Variants in GRHL3 observed in about 807,000 individuals in gnomAD.
The protein encoded by GRHL3 is grainyhead like transcription factor 3.
GRHL3 carries 20 observed loss-of-function variants against 70.3 expected under a neutral mutation model. The observed-to-expected ratio is 0.28, with a 90% CI of 0.20 to 0.41. The LOEUF (loss-of-function observed/expected upper bound fraction) is 0.41, where lower values mean the gene tolerates loss of function less well. Among genes scored for constraint, GRHL3 ranks in the 10% least tolerant of loss-of-function variants. GRHL3 has a pLI of 1.00. For missense variants in GRHL3, 637 were observed against 762.3 expected (o/e 0.84, Z 1.94); for synonymous variants, 299 against 299.9 (o/e 1.00, Z 0.03).
chr1:24,348,368 G>A (rs1211695144), intron 14 of GRHL3, among the ~76,000 whole-genome samples: 2 of 152,112 alleles, frequency 1.3e-5, no homozygotes. Flanking sequence ...ACTTGCCAGG[G>A]TTACTCAGCT....
At chr1:24,337,864 C>A in intron 6 of GRHL3, 75 bp downstream of exon 6, 1 of 1,594,896 alleles carries the variant, frequency 6.3e-7, no homozygotes, top group South Asian at 1.1e-5. Context: ...TAGCCACGGA[C>A]CCTGGGGAAA....
chr1:24,358,628 G>C (rs1640883304), downstream of GRHL3: 6 of 1,606,522 alleles, frequency 3.7e-6, no homozygotes, highest in South Asian at 5.5e-5. Context: ...AGCTGTGAGG[G>C]GACAGAGAGG....
intron 8 of GRHL3, 91 bp downstream of exon 8, chr1:24,339,853 C>A: frequency 2.6e-6 from 2 of 769,268 alleles, no homozygotes; most frequent in Admixed American, 2.3e-5. Flanking sequence ...AGGATAGTGT[C>A]ATTTGCTCCG....
chr1:24,334,796 C>CTGTGCCTCCTGTGCCT lies in GRHL3; in HGVS notation c.266+90_266+91insTGTGCCTCCTGTGCCT. On this transcript the variant is annotated intron_variant, in intron 3 of 15. Coordinates refer to ENST00000361548, the MANE Select transcript of GRHL3 (RefSeq NM_198173.3). This position sits in a 1 kb window ranked among gnomAD's most constrained non-coding sequence, Gnocchi z 4.3. ...ACAGGTTTGACTTATCCATTAGGCACAGGAGGCACAGTGCTGAGGGCCCAC... is the reference window on the plus strand; with the variant it reads ...ACAGGTTTGACTTATCCATTAGGCACTGTGCCTCCTGTGCCTAGGAGGCACAGTGCTGAGGGCCCAC... 1.2e-6 allele frequency: 1 copy of CTGTGCCTCCTGTGCCT among 857,902 alleles called. No homozygotes were observed. The highest frequency in any genetic ancestry group is 1.9e-6 in the Non-Finnish European group (1 of 538,866). The allele number at this position is 857,902 out of a possible 1,614,324, so 53.1% of individuals were successfully genotyped here. A position where few individuals can be genotyped will look rare whatever the true frequency, so the allele number is the denominator to read the frequency against.
In GRHL3 at chr1:24,322,159, G is replaced by A. The variant is rs1639215380; in HGVS notation, c.17+2591G>A. On this transcript the variant is annotated intron_variant, in intron 1 of 15. Transcript: ENST00000361548. The surrounding 1 kb of genome is among the most constrained non-coding windows in gnomAD (Gnocchi z 4.4). Reference sequence around the variant, plus strand: ...AGGAAGGGAGAGTTTCGCCGCAAAGGGGCTTGGCACACAGTAGGTCTAAGG... The same window carrying A: ...AGGAAGGGAGAGTTTCGCCGCAAAGAGGCTTGGCACACAGTAGGTCTAAGG... Among the ~76,000 whole-genome samples the A allele has an allele frequency of 6.6e-6, 1 of 152,138 alleles. No homozygotes were observed. The highest frequency in any genetic ancestry group is 1.9e-4 in the East Asian group (1 of 5,174).
chr1:24,350,325 G>A (rs1048418072), intron 15 of GRHL3, among the ~76,000 whole-genome samples: 1 of 152,186 alleles, frequency 6.6e-6, no homozygotes. Flanking sequence ...CAAGTGGAAG[G>A]GTTGTTACAT....
chr1:24,329,548 C>T (rs1438906839), intron 1 of GRHL3, among the ~76,000 whole-genome samples: 4 of 152,220 alleles, frequency 2.6e-5, no homozygotes, highest in South Asian at 4.1e-4. Context: ...GGTTGTCTCA[C>T]GGACCAGCTG....
chr1:24,338,612 C>T (rs958775370), intron 7 of GRHL3, among the ~76,000 whole-genome samples: 5 of 152,238 alleles, frequency 3.3e-5, no homozygotes, highest in African/African-American at 9.6e-5. Flanking sequence ...CCTCACCTTC[C>T]TGAGCCTCAG....
At chr1:24,339,928 C>A (rs1256315361) in intron 8 of GRHL3, among the ~76,000 whole-genome samples, 166 bp downstream of exon 8, 1 of 152,220 alleles carries the variant, frequency 6.6e-6, no homozygotes, top group African/African-American at 2.4e-5. Flanking sequence ...TGGAGCCAGG[C>A]AGGCTGGGTC....
chr1:24,334,710 A>G lies in GRHL3; in HGVS notation c.266+4A>G. On this transcript the variant is annotated splice_donor_region_variant and intron_variant, in intron 3 of 15. Transcript: ENST00000361548. This position sits in a 1 kb window ranked among gnomAD's most constrained non-coding sequence, Gnocchi z 4.3. The stretch of plus-strand genomic sequence containing the variant: ...GCAGGAATGACCAAGGAAAGAGGTG[A>G]GGCTTGCCAACACCCTCTGCCTCTT... 1.2e-6 allele frequency: 2 copies of G among 1,609,300 alleles called. No homozygotes were observed. Among genetic ancestry groups the G allele is most frequent in the Non-Finnish European group, 1.7e-6 (2 of 1,177,892 alleles).
intron 1 of GRHL3, among the ~76,000 whole-genome samples, 193 bp from the exon 2 acceptor site, chr1:24,331,233 C>A (rs1218548077): frequency 6.6e-6 from 1 of 152,184 alleles, no homozygotes; most frequent in African/African-American, 2.4e-5. Flanking sequence ...TTCTACATGG[C>A]AACATTTGGA....
At chr1:24,361,514 G>C (rs1280436399) in intron 15 of GRHL3, among the ~76,000 whole-genome samples, 2 of 152,150 alleles carry the variant, frequency 1.3e-5, no homozygotes, top group Non-Finnish European at 2.9e-5. Context: ...CATGGTCAGG[G>C]AAGAGAAAGA....
Position 24,331,446 on chromosome 1 carries a change from T to TC in GRHL3, c.38_39insC (p.Asn15GlufsTer13), listed in dbSNP as rs1224231422. ...TTCAGTTTCAGGTCTGTGCGGCTGC[T>TC]AAAGAACGACCCAGTCAACTTGCAG... On this transcript the variant is annotated frameshift_variant, in exon 2 of 16. Transcript: ENST00000361548. LOFTEE classifies it high-confidence loss of function. 1 of 1,613,214 alleles carries TC rather than the reference T, an allele frequency of 6.2e-7. No individual in the cohort carries two copies. The highest frequency in any genetic ancestry group is 1.1e-5 in the South Asian group (1 of 90,832).
In GRHL3 at chr1:24,342,226, CG is replaced by C; in HGVS notation, c.1160del (p.Arg387ProfsTer102). ...CTATGACTGTGGCTTGGGCACTGAG[CG>C]CCTGGTACACCGTGCTGTCTGCCAG... ...DTYDCGLGTERLVHRAVCQIK... is the reference protein window; with the variant it reads ...DTYDCGLGTEXLVHRAVCQIK... On this transcript the variant is annotated frameshift_variant, in exon 9 of 16. Coordinates refer to ENST00000361548, the MANE Select transcript of GRHL3 (RefSeq NM_198173.3). LOFTEE classifies it high-confidence loss of function. The surrounding 1 kb of genome is among the most constrained non-coding windows in gnomAD (Gnocchi z 4.8). 6.2e-7 allele frequency: 1 copy of C among 1,613,172 alleles called. No individual in the cohort carries two copies. The highest frequency in any genetic ancestry group is 8.5e-7 in the Non-Finnish European group (1 of 1,179,492).
At chr1:24,338,183 C>T (rs112332866) in intron 7 of GRHL3, 80 bp downstream of exon 7, 10 of 904,598 alleles carry the variant, frequency 1.1e-5, no homozygotes, top group Non-Finnish European at 1.5e-5. Context: ...TTCTTACTCA[C>T]CCCTGTTTCC....
At chr1:24,362,776 G>A (rs1569969859) in intron 15 of GRHL3, among the ~76,000 whole-genome samples, 1 of 152,224 alleles carries the variant, frequency 6.6e-6, no homozygotes, top group African/African-American at 2.4e-5. Flanking sequence ...CATCATAAAT[G>A]TGCTTGGGCT....
chr1:24,355,909 T>G (rs1184452833), downstream of GRHL3, among the ~76,000 whole-genome samples: 4 of 151,770 alleles, frequency 2.6e-5, no homozygotes, highest in Non-Finnish European at 1.5e-5. Flanking sequence ...TTTTTTTTTT[T>G]TTTTTTCTTG....
intron 1 of GRHL3, among the ~76,000 whole-genome samples, chr1:24,323,589 G>T (rs1168915018): frequency 3.3e-5 from 5 of 152,174 alleles, no homozygotes; most frequent in Admixed American, 6.5e-5. Flanking sequence ...TAACCTAAGT[G>T]TCAGTTTTTG....
chr1:24,346,229 G>A lies in GRHL3; in HGVS notation c.1455-324G>A, dbSNP rs142318151. Reference sequence around the variant, plus strand: ...CCTCCTGTGCGTCACAGTGTTCTAAGCGCAGTGAGCATGGTCTCCTGTGGC... The same window carrying A: ...CCTCCTGTGCGTCACAGTGTTCTAAACGCAGTGAGCATGGTCTCCTGTGGC... On this transcript the variant is annotated intron_variant, in intron 12 of 15. Transcript: ENST00000361548. Among the ~76,000 whole-genome samples, 460 of 151,928 alleles carry A rather than the reference G, an allele frequency of 3.0e-3. 1 individual carries two copies. The highest frequency in any genetic ancestry group is 0.011 in the African/African-American group (436 of 41,434).
Sources: gnomAD v4.1 joint callset for allele counts (sites outside exome capture counted in the v4.1 genomes callset) on GRCh38, gnomAD v4.1.1 for gene constraint, Gnocchi (gnomAD v3.1) non-coding constraint, MANE v1.5 for transcripts, NCBI Gene and HGNC (gene_info 2026-07-23, HGNC 2026-07-21) for gene names.